The following CAMK1D variants were observed in gnomAD, a reference collection of about 807,000 sequenced individuals.
The protein encoded by CAMK1D is calcium/calmodulin dependent protein kinase ID, also known as calcium/calmodulin-dependent protein kinase type 1D.
CAMK1D carries 9 observed loss-of-function variants against 47.7 expected under a neutral mutation model. The ratio of observed to expected loss-of-function variants is 0.19; its 90% CI spans 0.11 to 0.33. The LOEUF (loss-of-function observed/expected upper bound fraction) is 0.33. Ranked by LOEUF, CAMK1D falls within the 10% of genes least tolerant of loss-of-function variation. CAMK1D has a pLI of 1.00. For missense variants in CAMK1D, 291 were observed against 488.7 expected (o/e 0.60, Z 3.81); for synonymous variants, 184 against 184.9 (o/e 0.99, Z 0.04).
intron 3 of CAMK1D, among the ~76,000 whole-genome samples, chr10:12,702,981 TTA>T (rs1271149118): frequency 5.3e-5 from 8 of 152,178 alleles, no homozygotes; most frequent in Non-Finnish European, 7.3e-5. Context: ...ACAGTCCCCA[TTA>T]CAGAGAAACT....
At chr10:12,423,719 G>A (rs1221834371) in intron 1 of CAMK1D, among the ~76,000 whole-genome samples, 5 of 152,182 alleles carry the variant, frequency 3.3e-5, no homozygotes, top group Non-Finnish European at 4.4e-5. Context: ...AGTTTTGAAT[G>A]TCTCAGAATT....
chr10:12,827,322 TTC>T (rs1491253718), intron 10 of CAMK1D, among the ~76,000 whole-genome samples: 2 of 117,922 alleles, frequency 1.7e-5, no homozygotes, highest in East Asian at 2.9e-4. Flanking sequence ...TTTTCTTTCT[TTC>T]TCTCTCTTCT....
chr10:12,534,196 A>T (rs915035962), intron 1 of CAMK1D, among the ~76,000 whole-genome samples: 1 of 152,088 alleles, frequency 6.6e-6, no homozygotes, highest in Non-Finnish European at 1.5e-5. Context: ...CTGTCTATCT[A>T]TCTATCTGTC....
chr10:12,770,296 A>G (rs1176748215), intron 5 of CAMK1D, among the ~76,000 whole-genome samples: 2 of 152,248 alleles, frequency 1.3e-5, no homozygotes, highest in Admixed American at 6.5e-5. Context: ...TAGGCATTCA[A>G]GTTTTTCCTT....
At chr10:12,740,374 G>A (rs1445974305) in intron 3 of CAMK1D, among the ~76,000 whole-genome samples, 4 of 152,176 alleles carry the variant, frequency 2.6e-5, no homozygotes, top group Admixed American at 6.5e-5. Flanking sequence ...GGAGGCAGGC[G>A]AATCACCTGA....
At chr10:12,489,326 T>C (rs1834309891) in intron 1 of CAMK1D, among the ~76,000 whole-genome samples, 1 of 152,072 alleles carries the variant, frequency 6.6e-6, no homozygotes, top group Non-Finnish European at 1.5e-5. Context: ...CCTGAGAACA[T>C]GTGCTTAGAA....
At chr10:12,740,002 A>T (rs993594993) in intron 3 of CAMK1D, among the ~76,000 whole-genome samples, 1 of 152,210 alleles carries the variant, frequency 6.6e-6, no homozygotes, top group Non-Finnish European at 1.5e-5. Flanking sequence ...TGCCAAATAT[A>T]TTTCCTACCT....
At chr10:12,667,047 C>A in intron 3 of CAMK1D, 1 of 439,652 alleles carries the variant, frequency 2.3e-6, no homozygotes, top group Non-Finnish European at 4.0e-6. Flanking sequence ...ACCTAGAGCT[C>A]AGCAGTGAAT....
intron 1 of CAMK1D, among the ~76,000 whole-genome samples, chr10:12,499,738 G>A (rs1185089188): frequency 6.6e-6 from 1 of 152,186 alleles, no homozygotes; most frequent in African/African-American, 2.4e-5. Context: ...GCTGCTTTGA[G>A]GAAAGTCTTT....
At chr10:12,468,592 G>A (rs932223502) in intron 1 of CAMK1D, among the ~76,000 whole-genome samples, 3 of 152,170 alleles carry the variant, frequency 2.0e-5, no homozygotes, top group Admixed American at 2.0e-4. Flanking sequence ...GTAGTAAAAA[G>A]ACTCCTTCAC....
At chr10:12,604,211 C>T (rs539661188) in intron 2 of CAMK1D, among the ~76,000 whole-genome samples, 1 of 152,286 alleles carries the variant, frequency 6.6e-6, no homozygotes, top group African/African-American at 2.4e-5. Context: ...CCAACCAAGC[C>T]TGTGCCTGGT....
At chr10:12,629,995 C>T (rs1313799830) in intron 2 of CAMK1D, among the ~76,000 whole-genome samples, 6 of 152,152 alleles carry the variant, frequency 3.9e-5, no homozygotes, top group Admixed American at 6.5e-5. Flanking sequence ...TGGTCTGTTC[C>T]GGAGAGGCTG....
At chr10:12,790,538 A>G (rs1837933967) in intron 5 of CAMK1D, among the ~76,000 whole-genome samples, 1 of 152,224 alleles carries the variant, frequency 6.6e-6, no homozygotes, top group South Asian at 2.1e-4. Context: ...CGGCACTGCC[A>G]TAAAATAGCC....
At chr10:12,606,837 C>CT (rs991391309) in intron 2 of CAMK1D, among the ~76,000 whole-genome samples, 8 of 150,550 alleles carry the variant, frequency 5.3e-5, no homozygotes, top group East Asian at 1.9e-4. Context: ...TTTTTTTTTT[C>CT]TTTTTTTTGG....
chr10:12,479,196 T>C (rs4750219), intron 1 of CAMK1D, among the ~76,000 whole-genome samples: 2 of 151,198 alleles, frequency 1.3e-5, no homozygotes, highest in Non-Finnish European at 2.9e-5. Context: ...CATTTTTTTT[T>C]CTTTTTTTCT....
At chr10:12,372,495 C>G (rs577078241) in intron 1 of CAMK1D, among the ~76,000 whole-genome samples, 1 of 152,350 alleles carries the variant, frequency 6.6e-6, no homozygotes, top group Non-Finnish European at 1.5e-5. Flanking sequence ...AGTTTTGCCC[C>G]TTGAGCTCTT....
intron 2 of CAMK1D, among the ~76,000 whole-genome samples, chr10:12,646,847 A>G (rs1839823586): frequency 6.6e-6 from 1 of 151,842 alleles, no homozygotes; most frequent in Non-Finnish European, 1.5e-5. Flanking sequence ...TTAATTTTTA[A>G]TTTTTAATTT....
At chr10:12,394,235 G>A (rs1838854192) in intron 1 of CAMK1D, among the ~76,000 whole-genome samples, 1 of 152,112 alleles carries the variant, frequency 6.6e-6, no homozygotes, top group African/African-American at 2.4e-5. Flanking sequence ...GGTGGGGTGA[G>A]GTAGCAGGGG....
intron 10 of CAMK1D, among the ~76,000 whole-genome samples, chr10:12,828,075 T>A (rs1833320906): frequency 6.6e-6 from 1 of 152,182 alleles, no homozygotes; most frequent in Non-Finnish European, 1.5e-5. Context: ...TTATTCCTTC[T>A]TAAAATACCT....
Sources: allele counts gnomAD v4.1 joint callset (sites outside exome capture counted in the v4.1 genomes callset), GRCh38; gene constraint gnomAD v4.1.1; transcripts MANE v1.5; gene names NCBI Gene and HGNC (gene_info 2026-07-23, HGNC 2026-07-21).